The following DVL3 variants were observed in gnomAD, a reference collection of about 807,000 sequenced individuals.
DVL3 encodes segment polarity protein dishevelled homolog DVL-3.
DVL3 carries 27 observed loss-of-function variants against 67.4 expected under a neutral mutation model. The observed-to-expected ratio is 0.40, with a 90% CI of 0.30 to 0.55. The LOEUF is 0.55. Ranked by LOEUF, DVL3 falls within the 20% of genes least tolerant of loss-of-function variation. The pLI, the probability that DVL3 is intolerant of heterozygous loss-of-function variation, is 0.46. For missense variants in DVL3, 819 were observed against 1,021.5 expected, an observed-to-expected ratio of 0.80 and a Z score of 2.70; for synonymous variants, 369 against 396.8, an observed-to-expected ratio of 0.93 and a Z score of 0.83.
rs1714510648 is a variant in DVL3 at position 184,164,678 on chromosome 3, G to T, written c.463+77G>T. 1 of 1,562,296 alleles carries T rather than the reference G, an allele frequency of 6.4e-7. No homozygotes were observed. The highest frequency in any genetic ancestry group is 8.7e-7 in the Non-Finnish European group (1 of 1,150,306). ...TTTCCACCCAGCTACCCACCTTCTT[G>T]CCCTACTTCCCGAGCTCAGGATATG... On this transcript the variant is annotated intron_variant, in intron 4 of 14. Coordinates refer to ENST00000313143, the MANE Select transcript of DVL3 (RefSeq NM_004423.4). The surrounding 1 kb of genome is among the most constrained non-coding windows in gnomAD (Gnocchi z 5.3).
At position 184,170,539 on chromosome 3, in the gene DVL3, C is replaced by A; in HGVS notation, c.1935C>A (p.Arg645=). The change falls in exon 15 of 15, where the codon CGC becomes CGA. Residue 645 remains arginine (R), a synonymous_variant. Transcript: ENST00000313143. The surrounding 1 kb of genome is among the most constrained non-coding windows in gnomAD (Gnocchi z 6.5). The part of the protein sequence containing the change: ...RSHHSLASSL[R]SHHTHPSYGP... ...ACCATTCCCTGGCCAGCAGCCTTCG[C>A]AGCCACCACACACACCCGAGCTACG... is the stretch of plus-strand genomic sequence containing the variant. The A allele has an allele frequency of 6.2e-7, 1 of 1,611,906 alleles. No individual in the cohort carries two copies. Among genetic ancestry groups the A allele is most frequent in the Non-Finnish European group, 8.5e-7 (1 of 1,178,962 alleles).
chr3:184,165,473 A>G lies in DVL3; in HGVS notation c.745A>G (p.Thr249Ala). The G allele has an allele frequency of 1.2e-6, 2 of 1,614,016 alleles. No individual in the cohort carries two copies. The highest frequency in any genetic ancestry group is 2.2e-5 in the South Asian group (2 of 91,072). The change falls in exon 7 of 15, where the codon ACG becomes GCG. Residue 249 changes from threonine (T) to alanine (A), a missense_variant. Thr to Ala is a moderately conservative substitution (Grantham distance 58). Around this residue, in one of 3 missense-constraint regions of DVL3, gnomAD observed 385 missense variants for 486.8 expected, o/e 0.79. Transcript: ENST00000313143. The surrounding 1 kb of genome is among the most constrained non-coding windows in gnomAD (Gnocchi z 4.1). ...CTCCACCATGTCACTCAACATCATC[A>G]CGGTCACTCTCAACATGGGTGAGTC... ...TDSTMSLNIITVTLNMEKYNF... is the reference protein window; with the variant it reads ...TDSTMSLNIIAVTLNMEKYNF...
chr3:184,155,851 G>A lies in DVL3; in HGVS notation c.161+55G>A. Reference sequence around the variant, plus strand: ...AGCCCCGGCCGCTCTGGCTTCTAAGGGATGACGCGGTCCGTTTCGACTTGC... The same window carrying A: ...AGCCCCGGCCGCTCTGGCTTCTAAGAGATGACGCGGTCCGTTTCGACTTGC... On this transcript the variant is annotated intron_variant, in intron 1 of 14. Transcript: ENST00000313143. This position sits in a 1 kb window ranked among gnomAD's most constrained non-coding sequence, Gnocchi z 5.4. 1 of 1,545,260 alleles carries A rather than the reference G, an allele frequency of 6.5e-7. No homozygotes were observed. The highest frequency in any genetic ancestry group is 8.7e-7 in the Non-Finnish European group (1 of 1,145,256).
chr3:184,170,414 G>C lies in DVL3; in HGVS notation c.1810G>C (p.Glu604Gln). 6.2e-7 allele frequency: 1 copy of C among 1,600,354 alleles called. No individual in the cohort carries two copies. The highest frequency in any genetic ancestry group is 8.5e-7 in the Non-Finnish European group (1 of 1,173,750). ...GDSKSGGSGS[E>Q]SDHTTRSSLR... Reference sequence around the variant, plus strand: ...CTCCAAGTCCGGGGGCAGCGGCAGCGAATCGGACCACACCACACGCAGCAG... The same window carrying C: ...CTCCAAGTCCGGGGGCAGCGGCAGCCAATCGGACCACACCACACGCAGCAG... Residue 604 changes from glutamate (E) to glutamine (Q), a missense_variant, in exon 15 of 15, where the codon GAA becomes CAA. Coordinates refer to ENST00000313143, the MANE Select transcript of DVL3 (RefSeq NM_004423.4). The surrounding 1 kb of genome is among the most constrained non-coding windows in gnomAD (Gnocchi z 6.5).
In DVL3 at chr3:184,172,210, G is replaced by C. The variant is rs1392080074; in HGVS notation, c.*1455G>C. The C allele has an allele frequency of 6.6e-6, 1 of 152,292 alleles. No homozygotes were observed. The highest frequency in any genetic ancestry group is 1.9e-4 in the East Asian group (1 of 5,192). 9.4% of individuals were successfully genotyped at this position (152,292 alleles called of 1,614,324 possible). ...AGGAGCCCACAGGCCAGTTGAGGTT[G>C]GGCAAGGAGACTTCCAGGACTTCCA... On this transcript the variant is annotated 3_prime_UTR_variant, in exon 15 of 15. Transcript: ENST00000313143.
Position 184,167,718 on chromosome 3 carries a change from G to C in DVL3, c.1330+7G>C, listed in dbSNP as rs766992732. 1 of 1,607,268 alleles carries C rather than the reference G, an allele frequency of 6.2e-7. No individual in the cohort carries two copies. The highest frequency in any genetic ancestry group is 8.5e-7 in the Non-Finnish European group (1 of 1,176,282). On this transcript the variant is annotated splice_region_variant and intron_variant, in intron 12 of 14. Coordinates refer to ENST00000313143, the MANE Select transcript of DVL3 (RefSeq NM_004423.4). The surrounding 1 kb of genome is among the most constrained non-coding windows in gnomAD (Gnocchi z 4.6). Reference sequence around the variant, plus strand: ...ATCCCTAATGCTTTCATCGGTGAGAGAGCCCCATGGTGGGATGCAGGGTGG... The same window carrying C: ...ATCCCTAATGCTTTCATCGGTGAGACAGCCCCATGGTGGGATGCAGGGTGG...
rs1714807136 is a variant in DVL3, at chr3:184,170,824, G to T, written c.*69G>T. The T allele has an allele frequency of 1.3e-6, 2 of 1,587,356 alleles. No individual in the cohort carries two copies. Among genetic ancestry groups the T allele is most frequent in the Non-Finnish European group, 1.7e-6 (2 of 1,167,430 alleles). Reference sequence around the variant, plus strand: ...GCTGCGTTCCTCTCTCCATCCGTCCGTCTTTTTTACTTTGTCTGGTACCTG... The same window carrying T: ...GCTGCGTTCCTCTCTCCATCCGTCCTTCTTTTTTACTTTGTCTGGTACCTG... On this transcript the variant is annotated 3_prime_UTR_variant, in exon 15 of 15. Coordinates refer to ENST00000313143, the MANE Select transcript of DVL3 (RefSeq NM_004423.4). This position sits in a 1 kb window ranked among gnomAD's most constrained non-coding sequence, Gnocchi z 6.5.
In DVL3 at chr3:184,166,349, CT is replaced by C; in HGVS notation, c.903+86del. ...CTGTACCCTGCTCCTTCAGAGGCCCCTTCTTGGTTGGGGGAAGACTCCCTGA... is the reference window on the plus strand; with the variant it reads ...CTGTACCCTGCTCCTTCAGAGGCCCCTCTTGGTTGGGGGAAGACTCCCTGA... On this transcript the variant is annotated intron_variant, in intron 8 of 14. Coordinates refer to ENST00000313143, the MANE Select transcript of DVL3 (RefSeq NM_004423.4). The surrounding 1 kb of genome is among the most constrained non-coding windows in gnomAD (Gnocchi z 6.7). 1 of 1,607,944 alleles carries C rather than the reference CT, an allele frequency of 6.2e-7. No individual in the cohort carries two copies. Among genetic ancestry groups the C allele is most frequent in the Non-Finnish European group, 8.5e-7 (1 of 1,175,746 alleles).
chr3:184,170,082 G>A lies in DVL3; in HGVS notation c.1575G>A (p.Pro525=), dbSNP rs1333570070. The part of the protein sequence containing the change: ...ASDQDTLAPL[P]HPGAAPWPMA... The stretch of plus-strand genomic sequence containing the variant: ...ACCAGGACACACTGGCCCCTTTGCC[G>A]CACCCGGGGGCCGCCCCTTGGCCCA... The change falls in exon 14 of 15, where the codon CCG becomes CCA. Residue 525 remains proline, a synonymous_variant. Coordinates refer to ENST00000313143, the MANE Select transcript of DVL3 (RefSeq NM_004423.4). The surrounding 1 kb of genome is among the most constrained non-coding windows in gnomAD (Gnocchi z 6.5). The A allele has an allele frequency of 1.2e-6, 2 of 1,613,900 alleles. No individual in the cohort carries two copies. Among genetic ancestry groups the A allele is most frequent in the Non-Finnish European group, 1.7e-6 (2 of 1,179,924 alleles).
rs561170880 is a variant in DVL3, at chr3:184,160,542, G to T, written c.162-3115G>T. On this transcript the variant is annotated intron_variant, in intron 1 of 14. Coordinates refer to ENST00000313143, the MANE Select transcript of DVL3 (RefSeq NM_004423.4). ...GACTCCATTTGGGGTATGAGTGTGT[G>T]TGTGTGTGTGTAAGTGCTATGTAAA... 4.6e-5 allele frequency among the ~76,000 whole-genome samples: 7 copies of T among 151,986 alleles called. No homozygotes were observed. The East Asian group carries it at 1.4e-3, about 29-fold the overall frequency.
intron 1 of DVL3, among the ~76,000 whole-genome samples, chr3:184,157,398 T>C (rs560826351): frequency 2.0e-5 from 3 of 152,266 alleles, no homozygotes; most frequent in African/African-American, 7.2e-5. Context: ...GGGACTAAGA[T>C]AGGCTGTCTC....
At position 184,167,908 on chromosome 3, in the gene DVL3, G is replaced by A. The variant is rs756307481; in HGVS notation, c.1341G>A (p.Val447=). Residue 447 remains valine, a synonymous_variant, in exon 13 of 15, where the codon GTG becomes GTA. Coordinates refer to ENST00000313143, the MANE Select transcript of DVL3 (RefSeq NM_004423.4). The surrounding 1 kb of genome is among the most constrained non-coding windows in gnomAD (Gnocchi z 4.6). The stretch of plus-strand genomic sequence containing the variant: ...CAGCCTTGTCCCCAGGCTCAGATGT[G>A]GTGGACTGGCTGTACCACAATGTGG... ...TIPNAFIGSD[V]VDWLYHNVEG... is the part of the protein sequence containing the mutation. 1.4e-5 allele frequency: 22 copies of A among 1,614,142 alleles called. No individual in the cohort carries two copies. The South Asian group carries it at 2.4e-4, about 18-fold the overall frequency.
rs764433293 is a variant in DVL3, at chr3:184,166,176, G to A, written c.814G>A (p.Gly272Ser). ...CATTGTGGGCCAAAGCAACGAGCGT[G>A]GTGACGGCGGCATCTACATTGGCTC... is the stretch of plus-strand genomic sequence containing the variant. ...ISIVGQSNER[G>S]DGGIYIGSIM... The change falls in exon 8 of 15, where the codon GGT (glycine) becomes AGT (serine). Residue 272 changes from glycine to serine, a missense_variant. Coordinates refer to ENST00000313143, the MANE Select transcript of DVL3 (RefSeq NM_004423.4). This position sits in a 1 kb window ranked among gnomAD's most constrained non-coding sequence, Gnocchi z 6.7. The A allele has an allele frequency of 2.7e-5, 44 of 1,613,660 alleles. No individual in the cohort carries two copies. The highest frequency in any genetic ancestry group is 8.5e-7 in the Non-Finnish European group (1 of 1,179,930).
chr3:184,171,880 A>G lies in DVL3; in HGVS notation c.*1125A>G, dbSNP rs1714856318. On this transcript the variant is annotated 3_prime_UTR_variant, in exon 15 of 15. Transcript: ENST00000313143. The stretch of plus-strand genomic sequence containing the variant: ...CTCATGTATGCATACATGCACAGAG[A>G]TGCATACACAGGTGCCTATGCAAGT... 6.5e-6 allele frequency: 1 copy of G among 153,170 alleles called. No individual in the cohort carries two copies. Among genetic ancestry groups the G allele is most frequent in the African/African-American group, 2.4e-5 (1 of 41,440 alleles). The allele number at this position is 153,170 out of a possible 1,614,324, so 9.5% of individuals were successfully genotyped here. A position where few individuals can be genotyped will look rare whatever the true frequency, so the allele number is the denominator to read the frequency against.
chr3:184,164,734 C>T lies in DVL3; in HGVS notation c.464-62C>T. On this transcript the variant is annotated intron_variant, in intron 4 of 14. Coordinates refer to ENST00000313143, the MANE Select transcript of DVL3 (RefSeq NM_004423.4). This position sits in a 1 kb window ranked among gnomAD's most constrained non-coding sequence, Gnocchi z 5.3. ...CCCCAGTGCAGCCCCTGGCTTGCCTCTCTCCCTCCTTCACCCCTGCACTGG... is the reference window on the plus strand; with the variant it reads ...CCCCAGTGCAGCCCCTGGCTTGCCTTTCTCCCTCCTTCACCCCTGCACTGG... 6.2e-7 allele frequency: 1 copy of T among 1,609,760 alleles called. No individual in the cohort carries two copies. The highest frequency in any genetic ancestry group is 8.5e-7 in the Non-Finnish European group (1 of 1,177,164).
chr3:184,165,313 G>A lies in DVL3; in HGVS notation c.693+107G>A. Reference sequence around the variant, plus strand: ...GATCCCATCCCCCTAGTGCAGTGTTGAGAACCTTGGGGCTGGGGGCTGCAC... The same window carrying A: ...GATCCCATCCCCCTAGTGCAGTGTTAAGAACCTTGGGGCTGGGGGCTGCAC... On this transcript the variant is annotated intron_variant, in intron 6 of 14. Coordinates refer to ENST00000313143, the MANE Select transcript of DVL3 (RefSeq NM_004423.4). The surrounding 1 kb of genome is among the most constrained non-coding windows in gnomAD (Gnocchi z 4.1). 2 of 1,542,322 alleles carry A rather than the reference G, an allele frequency of 1.3e-6. No homozygotes were observed. The highest frequency in any genetic ancestry group is 1.8e-6 in the Non-Finnish European group (2 of 1,128,276).
In DVL3 at chr3:184,166,740, T is replaced by C. The variant is rs1714603833; in HGVS notation, c.1048+67T>C. 2 of 1,612,544 alleles carry C rather than the reference T, an allele frequency of 1.2e-6. No homozygotes were observed. The highest frequency in any genetic ancestry group is 1.7e-6 in the Non-Finnish European group (2 of 1,179,140). ...TACATGAGCACTGTCTCTCCTTTCTTCTCTCACCCAGAACCCCCATATCTA... is the reference window on the plus strand; with the variant it reads ...TACATGAGCACTGTCTCTCCTTTCTCCTCTCACCCAGAACCCCCATATCTA... On this transcript the variant is annotated intron_variant, in intron 10 of 14. Transcript: ENST00000313143. The surrounding 1 kb of genome is among the most constrained non-coding windows in gnomAD (Gnocchi z 6.7).
chr3:184,161,014 G>A (rs1714361870), intron 1 of DVL3, among the ~76,000 whole-genome samples: 1 of 152,214 alleles, frequency 6.6e-6, no homozygotes, highest in Non-Finnish European at 1.5e-5. Flanking sequence ...TGATAGAGGA[G>A]CCAGAGCTGG....
In DVL3 at chr3:184,164,126, C is replaced by T; in HGVS notation, c.232-141C>T. 9.5e-7 allele frequency: 1 copy of T among 1,048,028 alleles called. No homozygotes were observed. Among genetic ancestry groups the T allele is most frequent in the East Asian group, 2.4e-5 (1 of 41,624 alleles). The allele number at this position is 1,048,028 out of a possible 1,614,324, so 64.9% of individuals were successfully genotyped here. ...CAGAGGGGCCACTGTTCATCTCAGC[C>T]ACCCTCGCACAGCCCTGTCTTTTCT... On this transcript the variant is annotated intron_variant, in intron 2 of 14. Transcript: ENST00000313143. This position sits in a 1 kb window ranked among gnomAD's most constrained non-coding sequence, Gnocchi z 5.3.
Sources: gnomAD v4.1 joint callset for allele counts (sites outside exome capture counted in the v4.1 genomes callset) on GRCh38, gnomAD v4.1.1 for gene constraint, gnomAD v4.1.1 regional missense constraint, Gnocchi (gnomAD v3.1) non-coding constraint, MANE v1.5 for transcripts, NCBI Gene and HGNC (gene_info 2026-07-23, HGNC 2026-07-21) for gene names.